FBLN1: variants seen among roughly 807,000 people sequenced by gnomAD.
The protein encoded by FBLN1 is fibulin-1.
Under a neutral mutation model 89.7 loss-of-function variants are expected in FBLN1, and 34 were observed. The ratio of observed to expected loss-of-function variants is 0.38; its 90% CI spans 0.29 to 0.50. The LOEUF is 0.50. Ranked by LOEUF, FBLN1 falls within the 20% of genes least tolerant of loss-of-function variation. The pLI is 0.92. For synonymous variants in FBLN1, 393 were observed against 391.3 expected (o/e 1.00, Z -0.05); for missense variants, 777 against 988.1 (o/e 0.79, Z 2.86).
Position 45,566,295 on chromosome 22 carries a change from G to A in FBLN1, c.1698-8216G>A, listed in dbSNP as rs550193988. Among the ~76,000 whole-genome samples, 10 of 152,266 alleles carry A rather than the reference G, an allele frequency of 6.6e-5. No homozygotes were observed. The South Asian group carries it at 1.9e-3, about 28-fold the overall frequency. On this transcript the variant is annotated intron_variant, in intron 14 of 16. Transcript: ENST00000327858. The stretch of plus-strand genomic sequence containing the variant: ...AGCTCCTCTGCAACATTCCCACCAA[G>A]GGACTCTTCTTTGCTTGTGGAACTC...
At chr22:45,600,247 A>C (rs1275897355) in intron 16 of FBLN1, 60 bp from the exon 17 acceptor site, 7 of 1,608,884 alleles carry the variant, frequency 4.4e-6, no homozygotes, top group Non-Finnish European at 8.5e-7. Context: ...ACCATTTCCC[A>C]GATCTCTACG....
Position 45,536,649 on chromosome 22 carries a change from C to G in FBLN1, c.922+1312C>G, listed in dbSNP as rs2088485876. On this transcript the variant is annotated intron_variant, in intron 8 of 16. Transcript: ENST00000327858. The surrounding 1 kb of genome is among the most constrained non-coding windows in gnomAD (Gnocchi z 5.1). ...GCGTAGTGATGGGCGCCTGTAATCCCAGCTGCTTAGGAGGCTGAGGCAGCA... is the reference window on the plus strand; with the variant it reads ...GCGTAGTGATGGGCGCCTGTAATCCGAGCTGCTTAGGAGGCTGAGGCAGCA... Among the ~76,000 whole-genome samples, 1 of 152,036 alleles carries G rather than the reference C, an allele frequency of 6.6e-6. No individual in the cohort carries two copies. Among genetic ancestry groups the G allele is most frequent in the Non-Finnish European group, 1.5e-5 (1 of 68,014 alleles).
chr22:45,522,319 G>T (rs572331122), intron 2 of FBLN1, among the ~76,000 whole-genome samples: 1 of 152,184 alleles, frequency 6.6e-6, no homozygotes, highest in African/African-American at 2.4e-5. Context: ...TTTCTGTGAG[G>T]CTCACCAGCT....
At chr22:45,524,688 G>C (rs998325456) in intron 2 of FBLN1, among the ~76,000 whole-genome samples, 1 of 152,176 alleles carries the variant, frequency 6.6e-6, no homozygotes, top group Non-Finnish European at 1.5e-5. Flanking sequence ...AACATTGTGC[G>C]GGTGAAGCCT....
Position 45,600,585 on chromosome 22 carries a change from GA to G in FBLN1, c.*140del. 1.0e-6 allele frequency: 1 copy of G among 965,102 alleles called. No individual in the cohort carries two copies. Among genetic ancestry groups the G allele is most frequent in the Non-Finnish European group, 1.7e-6 (1 of 597,492 alleles). The allele number at this position is 965,102 out of a possible 1,614,324, so 59.8% of individuals were successfully genotyped here. A position where few individuals can be genotyped will look rare whatever the true frequency, so the allele number is the denominator to read the frequency against. Reference sequence around the variant, plus strand: ...GCATTAGGCCAACATGTATTAAGCTGAGCCAGATGAATAAGTCCATCTGATG... The same window carrying G: ...GCATTAGGCCAACATGTATTAAGCTGGCCAGATGAATAAGTCCATCTGATG... On this transcript the variant is annotated 3_prime_UTR_variant, in exon 17 of 17. Transcript: ENST00000327858.
chr22:45,527,792 C>T (rs2088349183), intron 3 of FBLN1, 55 bp from the exon 4 acceptor site: 2 of 1,605,876 alleles, frequency 1.2e-6, no homozygotes, highest in East Asian at 2.2e-5. Flanking sequence ...CTCTCGTGGA[C>T]CCCGCTGGGC....
chr22:45,566,793 A>C (rs1237087023), intron 14 of FBLN1, among the ~76,000 whole-genome samples: 1 of 152,222 alleles, frequency 6.6e-6, no homozygotes, highest in Non-Finnish European at 1.5e-5. Context: ...AGCTGACATC[A>C]CTTTTGATTC....
At chr22:45,568,490 T>TCTTCTGTAGGGGAGTGCTC (rs1459165896) in intron 14 of FBLN1, among the ~76,000 whole-genome samples, 7 of 84,752 alleles carry the variant, frequency 8.3e-5, no homozygotes, top group Non-Finnish European at 9.3e-5. Flanking sequence ...GGGGAATGCC[T>TCTTCTGTAGGGGAGTGCTC]CTTCTGTAGG....
At chr22:45,525,071 A>G (rs756814290) in intron 2 of FBLN1, among the ~76,000 whole-genome samples, 2 of 151,376 alleles carry the variant, frequency 1.3e-5, no homozygotes, top group Non-Finnish European at 2.9e-5. Flanking sequence ...CTCCATCTCA[A>G]AGAAAGAAAG....
chr22:45,594,854 G>GTGGA (rs112051341), intron 16 of FBLN1, among the ~76,000 whole-genome samples: 44,430 of 150,730 alleles, frequency 0.29, 8,964 homozygotes, highest in African/African-American at 0.57. Flanking sequence ...GAGTGGGTGG[G>GTGGA]TGGATGGATG....
intron 16 of FBLN1, among the ~76,000 whole-genome samples, chr22:45,593,077 C>A (rs2089152932): frequency 1.3e-5 from 2 of 152,084 alleles, no homozygotes; most frequent in African/African-American, 4.8e-5. Flanking sequence ...GCAGAGCCAC[C>A]TAGGAACTCG....
intron 2 of FBLN1, among the ~76,000 whole-genome samples, chr22:45,521,800 G>A (rs1459956777): frequency 6.6e-6 from 1 of 152,218 alleles, no homozygotes; most frequent in Non-Finnish European, 1.5e-5. Context: ...CAGCAGTGCA[G>A]TGATGCTAAT....
rs142362819 is a variant in FBLN1 at position 45,554,862 on chromosome 22, A to G, written c.1697+4247A>G. On this transcript the variant is annotated intron_variant, in intron 14 of 16. Transcript: ENST00000327858. ...ACCCCTGTCCCATCTTGTGACAAGA[A>G]ATTAGAACTTGTTACTATCCTGTAG... 3.3e-5 allele frequency among the ~76,000 whole-genome samples: 5 copies of G among 152,348 alleles called. No homozygotes were observed. In the East Asian group the frequency reaches 9.6e-4, roughly 29 times the overall value.
chr22:45,519,785 G>T (rs1718804964), intron 2 of FBLN1, among the ~76,000 whole-genome samples: 2 of 152,200 alleles, frequency 1.3e-5, no homozygotes. Context: ...GACAAGGGCT[G>T]GGGAGGTGGA....
At chr22:45,505,888 C>T (rs944693263) in intron 1 of FBLN1, among the ~76,000 whole-genome samples, 1 of 152,190 alleles carries the variant, frequency 6.6e-6, no homozygotes, top group African/African-American at 2.4e-5. Flanking sequence ...TCTCCTGCTT[C>T]AGCCTCCCCA....
At chr22:45,567,519 G>A (rs1211515833) in intron 14 of FBLN1, among the ~76,000 whole-genome samples, 1 of 152,182 alleles carries the variant, frequency 6.6e-6, no homozygotes, top group Non-Finnish European at 1.5e-5. Flanking sequence ...AGGAGGCTGA[G>A]GCAGGAGAAC....
At chr22:45,539,079 T>G in intron 8 of FBLN1, among the ~76,000 whole-genome samples, 4 of 136,692 alleles carry the variant, frequency 2.9e-5, no homozygotes, top group South Asian at 2.8e-4. Context: ...CCTCCTCCTC[T>G]TCCCCCTCCC....
chr22:45,515,274 G>T (rs1181841579), intron 1 of FBLN1, among the ~76,000 whole-genome samples: 2 of 152,120 alleles, frequency 1.3e-5, no homozygotes, highest in Non-Finnish European at 2.9e-5. Context: ...GCTCTTTGTG[G>T]ACTCCCTGAT....
At position 45,597,977 on chromosome 22, in the gene FBLN1, TC is replaced by T. The variant is rs1418239139; in HGVS notation, c.1973-2328del. Among the ~76,000 whole-genome samples the T allele has an allele frequency of 2.6e-5, 4 of 152,178 alleles. No homozygotes were observed. Among genetic ancestry groups the T allele is most frequent in the Non-Finnish European group, 5.9e-5 (4 of 68,026 alleles). On this transcript the variant is annotated intron_variant, in intron 16 of 16. Coordinates refer to ENST00000327858, the MANE Select transcript of FBLN1 (RefSeq NM_006486.3). This position sits in a 1 kb window ranked among gnomAD's most constrained non-coding sequence, Gnocchi z 4.2. Reference sequence around the variant, plus strand: ...AACCAGCCACTCGTACCGAAGGCCTTCCTGACCCCTCAGTTCTCCCCTGAGC... The same window carrying T: ...AACCAGCCACTCGTACCGAAGGCCTTCTGACCCCTCAGTTCTCCCCTGAGC...
Sources: gnomAD v4.1 joint callset for allele counts (sites outside exome capture counted in the v4.1 genomes callset) on GRCh38, gnomAD v4.1.1 for gene constraint, Gnocchi (gnomAD v3.1) non-coding constraint, MANE v1.5 for transcripts, NCBI Gene and HGNC (gene_info 2026-07-23, HGNC 2026-07-21) for gene names.